The following CTNNA3 variants were observed in gnomAD, a reference collection of about 807,000 sequenced individuals.
CTNNA3 encodes catenin alpha 3.
Under a neutral mutation model 95.7 loss-of-function variants are expected in CTNNA3, and 76 were observed. The ratio of observed to expected loss-of-function variants is 0.79; its 90% confidence interval spans 0.66 to 0.96. The LOEUF (loss-of-function observed/expected upper bound fraction) is 0.96. Among genes scored for constraint, CTNNA3 ranks in the 40% least tolerant of loss-of-function variants. The pLI, the probability that CTNNA3 is intolerant of heterozygous loss-of-function variation, is 0.00. For synonymous variants in CTNNA3, 431 were observed against 374.4 expected, an observed-to-expected ratio of 1.15 and a Z score of -1.74; for missense variants, 1,191 against 1,089.8, an observed-to-expected ratio of 1.09 and a Z score of -1.31.
At chr10:66,507,079 G>A (rs1840473863) in intron 11 of CTNNA3, among the ~76,000 whole-genome samples, 1 of 152,000 alleles carries the variant, frequency 6.6e-6, no homozygotes, top group South Asian at 2.1e-4. Flanking sequence ...AAAGAACATG[G>A]AAAATCAATT....
At chr10:66,519,609 C>T (rs1221649147) in intron 11 of CTNNA3, among the ~76,000 whole-genome samples, 1 of 152,106 alleles carries the variant, frequency 6.6e-6, no homozygotes, top group African/African-American at 2.4e-5. Flanking sequence ...AAGATTGCAA[C>T]CATTTGTCTC....
intron 13 of CTNNA3, among the ~76,000 whole-genome samples, chr10:66,255,305 G>T (rs2090723701): frequency 6.6e-6 from 1 of 152,094 alleles, no homozygotes; most frequent in Admixed American, 6.5e-5. Context: ...GGCACTTCAG[G>T]AATCTTATAG....
chr10:66,262,482 C>T (rs1416521286), intron 13 of CTNNA3, among the ~76,000 whole-genome samples: 1 of 151,954 alleles, frequency 6.6e-6, no homozygotes, highest in African/African-American at 2.4e-5. Context: ...TGGATCCACA[C>T]TAACTTTTAT....
intron 5 of CTNNA3, among the ~76,000 whole-genome samples, chr10:67,436,944 A>G (rs1244325632): frequency 6.6e-6 from 1 of 152,202 alleles, no homozygotes; most frequent in African/African-American, 2.4e-5. Flanking sequence ...AAGTAGAGCT[A>G]CCATTTGATC....
At chr10:67,018,378 G>A (rs972503899) in intron 7 of CTNNA3, among the ~76,000 whole-genome samples, 1 of 152,148 alleles carries the variant, frequency 6.6e-6, no homozygotes, top group Non-Finnish European at 1.5e-5. Context: ...CACCCCTTAA[G>A]TCTTATCAGC....
intron 5 of CTNNA3, among the ~76,000 whole-genome samples, chr10:67,469,738 C>T (rs146710046): frequency 0.017 from 2,584 of 151,962 alleles, 77 homozygotes; most frequent in African/African-American, 0.057. Flanking sequence ...TGCACATGTA[C>T]CCCAGAACTT....
At chr10:66,916,041 G>A (rs1477282486) in intron 7 of CTNNA3, among the ~76,000 whole-genome samples, 1 of 152,062 alleles carries the variant, frequency 6.6e-6, no homozygotes, top group Non-Finnish European at 1.5e-5. Flanking sequence ...GAACTACTGT[G>A]CCCAGTCCTT....
rs1564756697 is a variant in CTNNA3 at position 66,199,810 on chromosome 10, T to TAA, written c.1884+80659_1884+80660insTT. 2.2e-3 allele frequency among the ~76,000 whole-genome samples: 68 copies of TAA among 31,004 alleles called. 1 individual carries two copies. Among genetic ancestry groups the TAA allele is most frequent in the African/African-American group, 6.6e-3 (65 of 9,810 alleles). The allele number at this position is 31,004 out of a possible 152,430, so 20.3% of individuals were successfully genotyped here. A position where few individuals can be genotyped will look rare whatever the true frequency, so the allele number is the denominator to read the frequency against. On this transcript the variant is annotated intron_variant, in intron 13 of 17. Coordinates refer to ENST00000433211, the MANE Select transcript of CTNNA3 (RefSeq NM_013266.4). ...ATATATATATATATATATATATTTT[T>TAA]TTTTTTTTTTTTTTTTTTTTTTTAG...
At position 67,485,379 on chromosome 10, in the gene CTNNA3, T is replaced by C. The variant is rs145160062; in HGVS notation, c.579+36463A>G. Among the ~76,000 whole-genome samples the C allele has an allele frequency of 2.2e-3, 332 of 152,292 alleles. 2 individuals carry two copies. The highest frequency in any genetic ancestry group is 7.6e-3 in the African/African-American group (317 of 41,568). On this transcript the variant is annotated intron_variant, in intron 5 of 17. Coordinates refer to ENST00000433211, the MANE Select transcript of CTNNA3 (RefSeq NM_013266.4). ...AGAAGAGGAGTAATAGCTGAAAAACTACCTATTGTGTACTATGCCCACTAC... is the reference window on the plus strand; with the variant it reads ...AGAAGAGGAGTAATAGCTGAAAAACCACCTATTGTGTACTATGCCCACTAC...
intron 9 of CTNNA3, among the ~76,000 whole-genome samples, chr10:66,736,560 A>T (rs540082094): frequency 6.6e-6 from 1 of 152,096 alleles, no homozygotes; most frequent in Non-Finnish European, 1.5e-5. Context: ...GCTCCATCTT[A>T]CCTGTTTATT....
At chr10:66,423,723 C>T (rs1384639927) in intron 11 of CTNNA3, among the ~76,000 whole-genome samples, 2 of 152,170 alleles carry the variant, frequency 1.3e-5, no homozygotes, top group Non-Finnish European at 2.9e-5. Context: ...GTGATAAGCC[C>T]TCTTGCCCTA....
At chr10:67,653,142 G>A (rs1001943146) in intron 1 of CTNNA3, among the ~76,000 whole-genome samples, 7 of 152,206 alleles carry the variant, frequency 4.6e-5, no homozygotes, top group African/African-American at 1.7e-4. Context: ...AAGGCAAGGT[G>A]GGGAGCAAGC....
intron 13 of CTNNA3, among the ~76,000 whole-genome samples, chr10:66,145,137 A>G (rs57338316): frequency 0.11 from 16,637 of 152,088 alleles, 1,242 homozygotes; most frequent in African/African-American, 0.21. Flanking sequence ...ACAAACTACT[A>G]AGTATTTATT....
rs561552884 is a variant in CTNNA3 at position 65,965,393 on chromosome 10, C to CTTTTTTTT, written c.2400+1211_2400+1218dup. 4.0e-4 allele frequency among the ~76,000 whole-genome samples: 31 copies of CTTTTTTTT among 77,672 alleles called. 4 individuals are homozygous for CTTTTTTTT. The highest frequency in any genetic ancestry group is 1.4e-3 in the African/African-American group (27 of 19,054). The allele number at this position is 77,672 out of a possible 152,430, so 51.0% of individuals were successfully genotyped here. A position where few individuals can be genotyped will look rare whatever the true frequency, so the allele number is the denominator to read the frequency against. On this transcript the variant is annotated intron_variant, in intron 17 of 17. Coordinates refer to ENST00000433211, the MANE Select transcript of CTNNA3 (RefSeq NM_013266.4). ...GTCACTATTTGTTTCCTCCCCTCTA[C>CTTTTTTTT]TTTTTTTTTTTTTTTTTTTTTTTTT... is the stretch of plus-strand genomic sequence containing the variant.
intron 11 of CTNNA3, among the ~76,000 whole-genome samples, chr10:66,420,839 A>AAATAAATAAATAAATAAAT (rs147665115): frequency 5.2e-5 from 4 of 76,908 alleles, no homozygotes; most frequent in East Asian, 6.5e-4. Context: ...ATAAATAAAT[A>AAATAAATAAATAAATAAAT]AAAAACAATA....
intron 12 of CTNNA3, among the ~76,000 whole-genome samples, chr10:66,372,277 T>C (rs1258686170): frequency 1.3e-5 from 2 of 152,184 alleles, no homozygotes; most frequent in African/African-American, 2.4e-5. Context: ...TAAAGATCCA[T>C]AGAGTAAATC....
At chr10:67,391,037 T>G (rs957413367) in intron 5 of CTNNA3, among the ~76,000 whole-genome samples, 4 of 151,684 alleles carry the variant, frequency 2.6e-5, no homozygotes, top group Non-Finnish European at 4.4e-5. Context: ...TTCAACATAG[T>G]GTTGGAAGTT....
intron 12 of CTNNA3, among the ~76,000 whole-genome samples, chr10:66,336,376 C>T (rs920540984): frequency 1.3e-5 from 2 of 152,022 alleles, no homozygotes; most frequent in Non-Finnish European, 2.9e-5. Context: ...TTAGCTCCAC[C>T]CCCAGCACAT....
chr10:65,977,352 A>T (rs966604734), intron 16 of CTNNA3, among the ~76,000 whole-genome samples: 3 of 152,184 alleles, frequency 2.0e-5, no homozygotes, highest in Admixed American at 6.5e-5. Flanking sequence ...AATGAGGAAA[A>T]ATGTAAAAAA....
Sources: allele counts gnomAD v4.1 joint callset (sites outside exome capture counted in the v4.1 genomes callset), GRCh38; gene constraint gnomAD v4.1.1; transcripts MANE v1.5; gene names NCBI Gene and HGNC (gene_info 2026-07-23, HGNC 2026-07-21).